The following RETREG1 variants were observed in gnomAD, a reference collection of about 807,000 sequenced individuals.
RETREG1 encodes family with sequence similarity 134 member B.
Under a neutral mutation model 54.8 loss-of-function variants are expected in RETREG1, and 44 were observed. The observed-to-expected ratio is 0.80, with a 90% CI of 0.63 to 1.03. The LOEUF (loss-of-function observed/expected upper bound fraction) is 1.03. RETREG1 is among the 50% of genes least tolerant of loss of function. The pLI, the probability that RETREG1 is intolerant of heterozygous loss-of-function variation, is 0.00. For synonymous variants in RETREG1, 217 were observed against 238.5 expected, an observed-to-expected ratio of 0.91 and a Z score of 0.83; for missense variants, 554 against 605.1, an observed-to-expected ratio of 0.92 and a Z score of 0.89.
At chr5:16,543,169 T>C (rs746323397) in intron 3 of RETREG1, among the ~76,000 whole-genome samples, 1 of 152,236 alleles carries the variant, frequency 6.6e-6, no homozygotes, top group Admixed American at 6.5e-5. Context: ...GTATCAATAA[T>C]TCACTCACTT....
Position 16,561,307 on chromosome 5 carries a change from C to T in RETREG1, c.458+4456G>A, listed in dbSNP as rs547001618. Among the ~76,000 whole-genome samples the T allele has an allele frequency of 6.6e-6, 1 of 152,076 alleles. No homozygotes were observed. Among genetic ancestry groups the T allele is most frequent in the Non-Finnish European group, 1.5e-5 (1 of 68,002 alleles). On this transcript the variant is annotated intron_variant, in intron 3 of 8. Transcript: ENST00000306320. This position sits in a 1 kb window ranked among gnomAD's most constrained non-coding sequence, Gnocchi z 4.2. Reference sequence around the variant, plus strand: ...GGTCAGGAGATCAAGACCATCCTGGCTAACATGGTGAAACCCCGTCTCTAC... The same window carrying T: ...GGTCAGGAGATCAAGACCATCCTGGTTAACATGGTGAAACCCCGTCTCTAC...
chr5:16,554,141 C>T (rs1361256940), intron 3 of RETREG1, among the ~76,000 whole-genome samples: 2 of 152,242 alleles, frequency 1.3e-5, no homozygotes, highest in African/African-American at 4.8e-5. Flanking sequence ...GAACTTTGAT[C>T]TCACCTGACC....
intron 3 of RETREG1, among the ~76,000 whole-genome samples, chr5:16,489,925 T>A (rs934513278): frequency 5.3e-5 from 8 of 152,358 alleles, no homozygotes; most frequent in Middle Eastern, 6.8e-3. Context: ...TGTTTTAGCA[T>A]ATACTAATGA....
At chr5:16,586,531 G>C (rs567320835) in intron 1 of RETREG1, among the ~76,000 whole-genome samples, 1 of 152,246 alleles carries the variant, frequency 6.6e-6, no homozygotes, top group South Asian at 2.1e-4. Flanking sequence ...TCCCACTCTG[G>C]ACTGGGTGGG....
intron 1 of RETREG1, among the ~76,000 whole-genome samples, chr5:16,611,015 A>G (rs1413972313): frequency 1.3e-5 from 2 of 152,262 alleles, no homozygotes; most frequent in Admixed American, 1.3e-4. Context: ...CCAAATGCCC[A>G]TCAATGATAG....
chr5:16,556,163 TC>T lies in RETREG1; in HGVS notation c.458+9599del, dbSNP rs1163299502. ...TGCCACAGGAAACACCTTTTTTTTT[TC>T]TTTTTTTTTTTGGAGACAGAGTCTC... On this transcript the variant is annotated intron_variant, in intron 3 of 8. Coordinates refer to ENST00000306320, the MANE Select transcript of RETREG1 (RefSeq NM_001034850.3). 3.1e-3 allele frequency among the ~76,000 whole-genome samples: 155 copies of T among 49,884 alleles called. 1 individual carries two copies. The highest frequency in any genetic ancestry group is 0.014 in the Middle Eastern group (1 of 74). The allele number at this position is 49,884 out of a possible 152,430, so 32.7% of individuals were successfully genotyped here.
chr5:16,508,436 A>T (rs1445882765), intron 3 of RETREG1: 12 of 851,226 alleles, frequency 1.4e-5, no homozygotes, highest in African/African-American at 5.1e-5. Flanking sequence ...AAAGAAAATT[A>T]TGTTTCCTGG....
intron 4 of RETREG1, among the ~76,000 whole-genome samples, chr5:16,482,258 T>C (rs1193589029): frequency 6.6e-6 from 1 of 151,968 alleles, no homozygotes; most frequent in East Asian, 1.9e-4. Context: ...TATCCAGAAT[T>C]TAGTTTTACA....
At chr5:16,600,196 T>C (rs1579721252) in intron 1 of RETREG1, among the ~76,000 whole-genome samples, 1 of 152,204 alleles carries the variant, frequency 6.6e-6, no homozygotes, top group East Asian at 1.9e-4. Flanking sequence ...AGACAGGGTT[T>C]CGCCATGTTG....
intron 3 of RETREG1, among the ~76,000 whole-genome samples, chr5:16,525,283 G>A (rs1008946983): frequency 1.1e-5 from 1 of 88,218 alleles, no homozygotes; most frequent in Non-Finnish European, 2.5e-5. Flanking sequence ...TGTGCGCGGG[G>A]GGACACTGTG....
chr5:16,586,477 C>T (rs1057485681), intron 1 of RETREG1, among the ~76,000 whole-genome samples: 7 of 152,104 alleles, frequency 4.6e-5, no homozygotes, highest in African/African-American at 1.4e-4. Context: ...ATTTTTTTTA[C>T]TTCGACTGGT....
intron 2 of RETREG1, among the ~76,000 whole-genome samples, chr5:16,567,034 G>T (rs1330978470): frequency 6.6e-6 from 1 of 152,206 alleles, no homozygotes; most frequent in East Asian, 1.9e-4. Context: ...TGGCTTGTTT[G>T]TTTTATTATT....
chr5:16,501,804 C>T (rs1469111957), intron 3 of RETREG1, among the ~76,000 whole-genome samples: 2 of 152,138 alleles, frequency 1.3e-5, no homozygotes, highest in African/African-American at 4.8e-5. Context: ...CTCGGCCCCC[C>T]AAAATGCTGG....
chr5:16,550,560 T>C (rs1172607981), intron 3 of RETREG1, among the ~76,000 whole-genome samples: 1 of 152,228 alleles, frequency 6.6e-6, no homozygotes, highest in Non-Finnish European at 1.5e-5. Flanking sequence ...GCTGCCAGGC[T>C]GCATGCAGAA....
chr5:16,547,925 A>T (rs1337807855), intron 3 of RETREG1, among the ~76,000 whole-genome samples: 1 of 152,216 alleles, frequency 6.6e-6, no homozygotes, highest in Non-Finnish European at 1.5e-5. Flanking sequence ...AACACCAACA[A>T]AACACTGAGG....
Position 16,555,369 on chromosome 5 carries a change from C to G in RETREG1, c.458+10394G>C, listed in dbSNP as rs999765681. Reference sequence around the variant, plus strand: ...GTTTCACCATGTTGGCCAGGCTGGTCTCAAATTCCTGAGCTCAGGCAATCT... The same window carrying G: ...GTTTCACCATGTTGGCCAGGCTGGTGTCAAATTCCTGAGCTCAGGCAATCT... On this transcript the variant is annotated intron_variant, in intron 3 of 8. Transcript: ENST00000306320. Among the ~76,000 whole-genome samples, 4 of 152,294 alleles carry G rather than the reference C, an allele frequency of 2.6e-5. 1 individual carries two copies. Among genetic ancestry groups the G allele is most frequent in the Admixed American group, 2.6e-4 (4 of 15,290 alleles).
chr5:16,478,015 A>G lies in RETREG1; in HGVS notation c.873+19T>C, dbSNP rs1448859252. The stretch of plus-strand genomic sequence containing the variant: ...AGTCAAACCACACAGGAACAAATTG[A>G]AAACTAAACAAAAAATACCTTAGGA... On this transcript the variant is annotated intron_variant, in intron 7 of 8. Coordinates refer to ENST00000306320, the MANE Select transcript of RETREG1 (RefSeq NM_001034850.3). 2.5e-6 allele frequency: 4 copies of G among 1,593,800 alleles called. No homozygotes were observed. The highest frequency in any genetic ancestry group is 2.6e-6 in the Non-Finnish European group (3 of 1,166,732).
At chr5:16,487,181 AACAAT>A (rs1276621751) in intron 3 of RETREG1, among the ~76,000 whole-genome samples, 4 of 152,246 alleles carry the variant, frequency 2.6e-5, no homozygotes, top group Non-Finnish European at 1.5e-5. Flanking sequence ...TTCCTAAACA[AACAAT>A]ACAAGTCTTC....
chr5:16,572,112 C>T lies in RETREG1; in HGVS notation c.321-10G>A, dbSNP rs539315640. ...AGTCAATGCAAGGAACCTGCAACAG[C>T]GAAACACAAATCAGTATTTCAATTT... is the stretch of plus-strand genomic sequence containing the variant. On this transcript the variant is annotated splice_polypyrimidine_tract_variant and intron_variant, in intron 1 of 8. Transcript: ENST00000306320. The T allele has an allele frequency of 9.5e-6, 15 of 1,580,866 alleles. No individual in the cohort carries two copies. Among genetic ancestry groups the T allele is most frequent in the South Asian group, 5.5e-5 (5 of 90,424 alleles).
Sources: gnomAD v4.1 joint callset for allele counts (sites outside exome capture counted in the v4.1 genomes callset) on GRCh38, gnomAD v4.1.1 for gene constraint, Gnocchi (gnomAD v3.1) non-coding constraint, MANE v1.5 for transcripts, NCBI Gene and HGNC (gene_info 2026-07-23, HGNC 2026-07-21) for gene names.